The following ARHGAP15 variants were observed in gnomAD, a reference collection of about 807,000 sequenced individuals.
ARHGAP15 encodes the protein Rho GTPase activating protein 15.
A neutral mutation model predicts 63.7 loss-of-function variants in ARHGAP15; 51 were observed. The ratio of observed to expected loss-of-function variants is 0.80; its 90% CI spans 0.64 to 1.01. The LOEUF (loss-of-function observed/expected upper bound fraction) is 1.01. Among genes scored for constraint, ARHGAP15 ranks in the 50% least tolerant of loss-of-function variants. The probability of loss-of-function intolerance (pLI) is 0.00; values close to 1 mark genes in which losing one functional copy is unlikely to be tolerated. For synonymous variants in ARHGAP15, 191 were observed against 193.8 expected (o/e 0.99, Z 0.12); for missense variants, 560 against 564.6 (o/e 0.99, Z 0.08).
At chr2:143,671,739 C>CCTAT (rs776525282) in intron 12 of ARHGAP15, among the ~76,000 whole-genome samples, 2 of 152,102 alleles carry the variant, frequency 1.3e-5, no homozygotes, top group African/African-American at 4.8e-5. Flanking sequence ...ATCATTTATC[C>CCTAT]CTATCTATCT....
intron 1 of ARHGAP15, among the ~76,000 whole-genome samples, chr2:143,141,957 C>T (rs971845992): frequency 7.2e-5 from 11 of 152,134 alleles, no homozygotes; most frequent in Middle Eastern, 6.8e-3. Context: ...GACAAGAGAA[C>T]GTCTATATGA....
At chr2:143,369,818 T>C (rs1316464614) in intron 6 of ARHGAP15, among the ~76,000 whole-genome samples, 1 of 152,176 alleles carries the variant, frequency 6.6e-6, no homozygotes, top group African/African-American at 2.4e-5. Flanking sequence ...TTCTTCTTCT[T>C]TTCCTCCTAC....
At chr2:143,629,031 A>G (rs1396756988) in intron 12 of ARHGAP15, among the ~76,000 whole-genome samples, 1 of 152,178 alleles carries the variant, frequency 6.6e-6, no homozygotes, top group Non-Finnish European at 1.5e-5. Flanking sequence ...AATACTTTGC[A>G]TCTGAGGAGA....
At chr2:143,224,986 T>A (rs1292549490) in intron 4 of ARHGAP15, among the ~76,000 whole-genome samples, 1 of 151,920 alleles carries the variant, frequency 6.6e-6, no homozygotes, top group African/African-American at 2.4e-5. Context: ...TAAGTGGGAG[T>A]TGAACAGTAT....
chr2:143,410,929 C>CGT (rs1324161713), intron 6 of ARHGAP15, among the ~76,000 whole-genome samples: 1 of 151,484 alleles, frequency 6.6e-6, no homozygotes, highest in Non-Finnish European at 1.5e-5. Flanking sequence ...GGAGGCCAGG[C>CGT]GTGATGGCTC....
At chr2:143,149,012 G>C (rs1192537313) in intron 1 of ARHGAP15, among the ~76,000 whole-genome samples, 1 of 152,020 alleles carries the variant, frequency 6.6e-6, no homozygotes, top group Non-Finnish European at 1.5e-5. Flanking sequence ...CATTACTGGA[G>C]CTACCAGGAC....
At chr2:143,194,850 T>A (rs1691827448) in intron 2 of ARHGAP15, among the ~76,000 whole-genome samples, 1 of 152,212 alleles carries the variant, frequency 6.6e-6, no homozygotes, top group Non-Finnish European at 1.5e-5. Flanking sequence ...GCAGTTTGAT[T>A]TTCTTTGTGG....
At chr2:143,399,480 AAAT>A (rs967703898) in intron 6 of ARHGAP15, among the ~76,000 whole-genome samples, 4 of 152,170 alleles carry the variant, frequency 2.6e-5, no homozygotes, top group Admixed American at 2.6e-4. Context: ...AAGCAAAGCA[AAAT>A]AATAATAATA....
At chr2:143,137,052 A>G (rs1689173369) in intron 1 of ARHGAP15, among the ~76,000 whole-genome samples, 1 of 152,098 alleles carries the variant, frequency 6.6e-6, no homozygotes, top group Non-Finnish European at 1.5e-5. Context: ...TCAACCATGC[A>G]AACTCTTTTA....
intron 2 of ARHGAP15, 56 bp downstream of exon 2, chr2:143,155,711 G>GA: frequency 6.8e-7 from 1 of 1,464,148 alleles, no homozygotes; most frequent in South Asian, 1.5e-5. Flanking sequence ...TTTTGTAAAA[G>GA]GAAAAAAAAA....
At chr2:143,349,058 A>G (rs1255718986) in intron 6 of ARHGAP15, among the ~76,000 whole-genome samples, 1 of 152,194 alleles carries the variant, frequency 6.6e-6, no homozygotes, top group Non-Finnish European at 1.5e-5. Context: ...TACAAATATA[A>G]CATGTCAAAG....
chr2:143,491,042 T>C (rs542391041), intron 9 of ARHGAP15, among the ~76,000 whole-genome samples: 13 of 152,258 alleles, frequency 8.5e-5, no homozygotes, highest in Non-Finnish European at 1.8e-4. Context: ...TCTTAATAGC[T>C]CAGGTGGGTG....
intron 2 of ARHGAP15, among the ~76,000 whole-genome samples, chr2:143,189,910 A>C (rs1691613800): frequency 1.3e-5 from 2 of 151,830 alleles, no homozygotes; most frequent in Admixed American, 1.3e-4. Context: ...GTTTTTATGA[A>C]TCTTATATAT....
In ARHGAP15 at chr2:143,624,207, C is replaced by A; in HGVS notation, c.1078C>A (p.Arg360=). The A allele has an allele frequency of 6.2e-7, 1 of 1,613,586 alleles. No homozygotes were observed. The highest frequency in any genetic ancestry group is 8.5e-7 in the Non-Finnish European group (1 of 1,179,724). The change falls in exon 12 of 14, where the codon CGG becomes AGG. Residue 360 remains arginine, a synonymous_variant. Transcript: ENST00000295095. ...CACCGGAGCACTGAAGATGTTTTTC[C>A]GGGAGCTGCCTGAGCCGCTCTTCCC... ...VVTGALKMFF[R]ELPEPLFPYS...
intron 6 of ARHGAP15, among the ~76,000 whole-genome samples, chr2:143,292,224 C>G (rs1028112702): frequency 6.6e-6 from 1 of 152,030 alleles, no homozygotes; most frequent in Non-Finnish European, 1.5e-5. Flanking sequence ...CAGCCAATAA[C>G]AGAATATTAT....
At chr2:143,486,163 T>C (rs545156700) in intron 8 of ARHGAP15, among the ~76,000 whole-genome samples, 1 of 152,210 alleles carries the variant, frequency 6.6e-6, no homozygotes, top group East Asian at 1.9e-4. Context: ...GAATACCTAA[T>C]AAAGTATCCC....
intron 6 of ARHGAP15, among the ~76,000 whole-genome samples, chr2:143,396,282 A>T (rs1477680612): frequency 6.6e-6 from 1 of 152,150 alleles, no homozygotes; most frequent in African/African-American, 2.4e-5. Context: ...ACTTCCAGAA[A>T]ATTCTTCCAT....
At chr2:143,278,296 C>T (rs561386494) in intron 6 of ARHGAP15, among the ~76,000 whole-genome samples, 2 of 152,196 alleles carry the variant, frequency 1.3e-5, no homozygotes, top group African/African-American at 4.8e-5. Context: ...TCTTGAAGAT[C>T]AAAAAATGCT....
chr2:143,717,335 G>A (rs1684853281), intron 13 of ARHGAP15, among the ~76,000 whole-genome samples: 1 of 152,118 alleles, frequency 6.6e-6, no homozygotes, highest in South Asian at 2.1e-4. Context: ...CCCGGTAGCT[G>A]CCAATTCCTT....
Sources: allele counts gnomAD v4.1 joint callset (sites outside exome capture counted in the v4.1 genomes callset), GRCh38; gene constraint gnomAD v4.1.1; transcripts MANE v1.5; gene names NCBI Gene and HGNC (gene_info 2026-07-23, HGNC 2026-07-21).